The following ENPP6 variants were observed in gnomAD, a reference collection of about 807,000 sequenced individuals.
ENPP6 encodes ectonucleotide pyrophosphatase/phosphodiesterase 6.
Under a neutral mutation model 42.0 loss-of-function variants are expected in ENPP6, and 32 were observed. The ratio of observed to expected loss-of-function variants is 0.76; its 90% CI spans 0.58 to 1.02. The LOEUF (loss-of-function observed/expected upper bound fraction) is 1.02, where lower values mean the gene tolerates loss of function less well. ENPP6 is among the 50% of genes least tolerant of loss of function. The pLI, the probability that ENPP6 is intolerant of heterozygous loss-of-function variation, is 0.00. For missense variants in ENPP6, 552 were observed against 566.8 expected (o/e 0.97, Z 0.27); for synonymous variants, 213 against 216.0 (o/e 0.99, Z 0.12).
chr4:184,209,030 C>T (rs1733061726), intron 1 of ENPP6, among the ~76,000 whole-genome samples: 1 of 145,138 alleles, frequency 6.9e-6, no homozygotes. Flanking sequence ...AGGGTCCTGT[C>T]TGTTAGAAGG....
intron 2 of ENPP6, among the ~76,000 whole-genome samples, chr4:184,149,770 C>T (rs542109704): frequency 3.3e-5 from 5 of 152,212 alleles, no homozygotes; most frequent in East Asian, 3.9e-4. Flanking sequence ...TTACAATAGT[C>T]GTAAAAATAA....
At chr4:184,202,019 C>T (rs1328212794) in intron 1 of ENPP6, among the ~76,000 whole-genome samples, 1 of 152,166 alleles carries the variant, frequency 6.6e-6, no homozygotes, top group Non-Finnish European at 1.5e-5. Context: ...ATAGGAAGTC[C>T]ATTTACTGGG....
chr4:184,166,818 G>C (rs972890225), intron 1 of ENPP6, among the ~76,000 whole-genome samples: 1 of 152,222 alleles, frequency 6.6e-6, no homozygotes, highest in East Asian at 1.9e-4. Context: ...CTTCTGGCTC[G>C]TGATAAAGCT....
intron 1 of ENPP6, among the ~76,000 whole-genome samples, chr4:184,157,434 T>C (rs1307302807): frequency 6.6e-6 from 1 of 151,934 alleles, no homozygotes; most frequent in Non-Finnish European, 1.5e-5. Context: ...TCTTTCCTTT[T>C]CTTTCTTTCT....
Position 184,155,228 on chromosome 4 carries a change from T to C in ENPP6, c.242-1495A>G, listed in dbSNP as rs536008181. ...TTCAACTATATTATCGTTTTTAGTATATGAAAGTTGAATCATATTAAGAGA... is the reference window on the plus strand; with the variant it reads ...TTCAACTATATTATCGTTTTTAGTACATGAAAGTTGAATCATATTAAGAGA... On this transcript the variant is annotated intron_variant, in intron 1 of 7. Coordinates refer to ENST00000296741, the MANE Select transcript of ENPP6 (RefSeq NM_153343.4). Among the ~76,000 whole-genome samples the C allele has an allele frequency of 3.9e-5, 6 of 152,350 alleles. 1 individual carries two copies. The highest frequency in any genetic ancestry group is 1.4e-4 in the African/African-American group (6 of 41,582).
chr4:184,114,423 T>C (rs567323201), intron 5 of ENPP6, among the ~76,000 whole-genome samples: 85 of 152,298 alleles, frequency 5.6e-4, no homozygotes, highest in African/African-American at 2.0e-3. Flanking sequence ...TGTAAAATAA[T>C]GTAGTGGATG....
intron 1 of ENPP6, among the ~76,000 whole-genome samples, chr4:184,175,221 C>T (rs1025436134): frequency 1.3e-5 from 2 of 152,130 alleles, no homozygotes; most frequent in African/African-American, 2.4e-5. Context: ...GTAGAGGCCT[C>T]AGCTCATTTC....
At chr4:184,135,389 A>G (rs1035311274) in intron 2 of ENPP6, among the ~76,000 whole-genome samples, 2 of 152,210 alleles carry the variant, frequency 1.3e-5, no homozygotes, top group African/African-American at 2.4e-5. Context: ...GAACATTACA[A>G]TTTAGAACTG....
At chr4:184,092,529 CTT>C (rs1735826438) in intron 7 of ENPP6, among the ~76,000 whole-genome samples, 1 of 152,192 alleles carries the variant, frequency 6.6e-6, no homozygotes, top group South Asian at 2.1e-4. Context: ...CTCCACAAGT[CTT>C]TGGAGGGATT....
intron 1 of ENPP6, among the ~76,000 whole-genome samples, chr4:184,191,009 C>T (rs564801113): frequency 1.1e-4 from 16 of 152,278 alleles, no homozygotes; most frequent in Non-Finnish European, 2.4e-4. Context: ...CTGAAGGAAG[C>T]CTGGAAAGGC....
intron 2 of ENPP6, among the ~76,000 whole-genome samples, chr4:184,133,872 AT>A (rs33932621): frequency 1.4e-3 from 198 of 145,872 alleles, no homozygotes; most frequent in African/African-American, 3.5e-3. Flanking sequence ...ATATTGATTG[AT>A]TTTTTTTTTT....
chr4:184,118,954 T>G (rs141516612), intron 3 of ENPP6, among the ~76,000 whole-genome samples: 5 of 152,334 alleles, frequency 3.3e-5, no homozygotes, highest in Non-Finnish European at 7.4e-5. Context: ...CTGTCCTGAT[T>G]TCTTTGCCAT....
At chr4:184,157,213 A>G (rs763197997) in intron 1 of ENPP6, among the ~76,000 whole-genome samples, 11 of 152,144 alleles carry the variant, frequency 7.2e-5, no homozygotes, top group Non-Finnish European at 8.8e-5. Context: ...TCTTCTTAGT[A>G]GTTTTGCATC....
chr4:184,122,866 G>A (rs987725503), intron 3 of ENPP6, among the ~76,000 whole-genome samples: 1 of 152,182 alleles, frequency 6.6e-6, no homozygotes, highest in Non-Finnish European at 1.5e-5. Context: ...GTTAGACATG[G>A]AGCAATGTCC....
intron 1 of ENPP6, among the ~76,000 whole-genome samples, chr4:184,161,634 G>T (rs993967101): frequency 5.3e-5 from 8 of 151,734 alleles, no homozygotes; most frequent in African/African-American, 1.9e-4. Context: ...CAGCCCAAAT[G>T]CTCATTAATC....
At chr4:184,142,888 C>T (rs1358799314) in intron 2 of ENPP6, among the ~76,000 whole-genome samples, 1 of 152,230 alleles carries the variant, frequency 6.6e-6, no homozygotes, top group Non-Finnish European at 1.5e-5. Flanking sequence ...AGCGACTGCA[C>T]TTCTTCCGAG....
At chr4:184,175,037 A>ACTGACAGGAGCG (rs2111095765) in intron 1 of ENPP6, among the ~76,000 whole-genome samples, 1 of 152,378 alleles carries the variant, frequency 6.6e-6, no homozygotes, top group East Asian at 1.9e-4. Context: ...TGGGCTCAGC[A>ACTGACAGGAGCG]CTGACAGGAA....
chr4:184,186,888 C>T (rs1732641219), intron 1 of ENPP6, among the ~76,000 whole-genome samples: 1 of 152,128 alleles, frequency 6.6e-6, no homozygotes, highest in Admixed American at 6.5e-5. Flanking sequence ...TATCACACTA[C>T]CCCCCTACTC....
intron 1 of ENPP6, among the ~76,000 whole-genome samples, chr4:184,194,180 G>A (rs1030574329): frequency 6.6e-6 from 1 of 152,198 alleles, no homozygotes; most frequent in Non-Finnish European, 1.5e-5. Context: ...GGCCTTCGCG[G>A]CTGCTAAGAA....
Sources: gnomAD v4.1 joint callset for allele counts (sites outside exome capture counted in the v4.1 genomes callset) on GRCh38, gnomAD v4.1.1 for gene constraint, MANE v1.5 for transcripts, NCBI Gene and HGNC (gene_info 2026-07-23, HGNC 2026-07-21) for gene names.